Variants in CPNE4 observed in about 807,000 individuals in gnomAD.
The protein encoded by CPNE4 is copine 4.
Under a neutral mutation model 67.9 loss-of-function variants are expected in CPNE4, and 25 were observed. The ratio of observed to expected loss-of-function variants is 0.37; its 90% CI spans 0.27 to 0.51. The LOEUF is 0.51. CPNE4 is among the 20% of genes least tolerant of loss of function. The pLI is 0.93. For synonymous variants in CPNE4, 242 were observed against 244.9 expected (o/e 0.99, Z 0.11); for missense variants, 464 against 690.8 (o/e 0.67, Z 3.68).
chr3:131,724,790 A>T (rs1279933659), intron 2 of CPNE4, among the ~76,000 whole-genome samples: 1 of 152,090 alleles, frequency 6.6e-6, no homozygotes, highest in Non-Finnish European at 1.5e-5. Flanking sequence ...AACCCTGCCC[A>T]TTCCCGTGTA....
intron 1 of CPNE4, among the ~76,000 whole-genome samples, chr3:131,995,960 C>T (rs552342272): frequency 2.2e-4 from 34 of 152,316 alleles, no homozygotes; most frequent in African/African-American, 7.7e-4. Flanking sequence ...CTATCACTAT[C>T]ACATGCATCA....
intron 1 of CPNE4, among the ~76,000 whole-genome samples, chr3:131,914,510 G>C (rs754030581): frequency 1.7e-4 from 26 of 152,034 alleles, no homozygotes; most frequent in Non-Finnish European, 3.5e-4. Context: ...CTGCCCTCTG[G>C]GTTTCTTTCC....
intron 6 of CPNE4, among the ~76,000 whole-genome samples, chr3:131,685,213 T>C (rs546738749): frequency 2.0e-5 from 3 of 152,252 alleles, no homozygotes; most frequent in East Asian, 3.9e-4. Flanking sequence ...TGAGGAATTT[T>C]TGTGAGAAAT....
chr3:131,670,172 T>C (rs1000340304), intron 6 of CPNE4, among the ~76,000 whole-genome samples: 1 of 152,170 alleles, frequency 6.6e-6, no homozygotes, highest in Non-Finnish European at 1.5e-5. Context: ...TAAAGACTCT[T>C]AGTAGGGTGA....
At chr3:131,549,743 A>T (rs1003107414) in intron 14 of CPNE4, among the ~76,000 whole-genome samples, 15 of 152,134 alleles carry the variant, frequency 9.9e-5, no homozygotes, top group African/African-American at 3.6e-4. Flanking sequence ...GTCATCTCTT[A>T]GCCTCACAAC....
chr3:131,957,679 C>A (rs1016884224), intron 1 of CPNE4, among the ~76,000 whole-genome samples: 1 of 152,170 alleles, frequency 6.6e-6, no homozygotes, highest in Non-Finnish European at 1.5e-5. Flanking sequence ...TCGTTCAGAT[C>A]CTGCTAACTG....
intron 1 of CPNE4, among the ~76,000 whole-genome samples, chr3:131,979,960 G>A (rs796469188): frequency 1.2e-4 from 18 of 152,224 alleles, no homozygotes; most frequent in African/African-American, 4.3e-4. Context: ...ATGATGCTTA[G>A]TTTTGCTGGA....
chr3:131,942,451 TGTGTGTGTGTGTGAGAGA>T (rs1347716031), intron 1 of CPNE4, among the ~76,000 whole-genome samples: 15 of 62,372 alleles, frequency 2.4e-4, no homozygotes, highest in African/African-American at 1.0e-3. Context: ...TGTGTGTGTG[TGTGTGTGTGTGTGAGAGA>T]GAGAGAGAGA....
intron 2 of CPNE4, among the ~76,000 whole-genome samples, chr3:131,799,023 T>C (rs187231051): frequency 5.7e-4 from 86 of 152,114 alleles, no homozygotes; most frequent in African/African-American, 1.9e-3. Context: ...TTAAAGACAC[T>C]TTTTTTTCAA....
chr3:132,014,337 C>G (rs1326921199), intron 1 of CPNE4, among the ~76,000 whole-genome samples: 5 of 152,184 alleles, frequency 3.3e-5, no homozygotes, highest in Admixed American at 6.5e-5. Flanking sequence ...CTCCTCCCAC[C>G]CCCACTCCTC....
chr3:131,708,955 A>AAGAT (rs1583056650), intron 3 of CPNE4, among the ~76,000 whole-genome samples: 1 of 41,046 alleles, frequency 2.4e-5, no homozygotes, highest in Non-Finnish European at 5.1e-5. Context: ...TGAGGGCATA[A>AAGAT]AGATATATAT....
chr3:131,668,952 T>G (rs1157241427), intron 7 of CPNE4, among the ~76,000 whole-genome samples: 1 of 152,166 alleles, frequency 6.6e-6, no homozygotes, highest in Non-Finnish European at 1.5e-5. Context: ...TCCTTACCTT[T>G]TAAATCTGTA....
intron 2 of CPNE4, among the ~76,000 whole-genome samples, chr3:131,745,235 G>T (rs2082459649): frequency 6.6e-6 from 1 of 151,982 alleles, no homozygotes; most frequent in African/African-American, 2.4e-5. Context: ...TGTCCTCTTT[G>T]ATGAAACGTC....
At chr3:131,671,459 ATGTGTG>A (rs58195413) in intron 6 of CPNE4, among the ~76,000 whole-genome samples, 1,833 of 130,900 alleles carry the variant, frequency 0.014, 18 homozygotes, top group Non-Finnish European at 0.023. Context: ...GAGTGTACAC[ATGTGTG>A]TGTGTGTGTG....
At chr3:131,665,199 G>A (rs2080227451) in intron 7 of CPNE4, among the ~76,000 whole-genome samples, 1 of 151,300 alleles carries the variant, frequency 6.6e-6, no homozygotes, top group South Asian at 2.1e-4. Flanking sequence ...TGTCTCTACA[G>A]AAAAATTAAT....
intron 2 of CPNE4, among the ~76,000 whole-genome samples, chr3:131,726,603 C>T (rs1401640705): frequency 6.6e-6 from 1 of 151,836 alleles, no homozygotes; most frequent in Non-Finnish European, 1.5e-5. Context: ...CCAGGTTTCA[C>T]ATGAGCAACA....
intron 2 of CPNE4, among the ~76,000 whole-genome samples, chr3:131,833,071 C>T (rs574939005): frequency 2.0e-4 from 30 of 152,262 alleles, no homozygotes; most frequent in African/African-American, 6.3e-4. Context: ...TCTATAGCCA[C>T]GTGAGGACAT....
intron 2 of CPNE4, among the ~76,000 whole-genome samples, chr3:131,765,969 G>A (rs2083001091): frequency 6.6e-6 from 1 of 152,132 alleles, no homozygotes; most frequent in African/African-American, 2.4e-5. Flanking sequence ...AGGGTGACCA[G>A]GCAGAATATA....
At chr3:131,700,382 G>T (rs905249644) in intron 3 of CPNE4, among the ~76,000 whole-genome samples, 1 of 152,080 alleles carries the variant, frequency 6.6e-6, no homozygotes, top group African/African-American at 2.4e-5. Flanking sequence ...TGCAGGGAGG[G>T]AAAGGAACTA....
Sources: gnomAD v4.1 joint callset for allele counts (sites outside exome capture counted in the v4.1 genomes callset) on GRCh38, gnomAD v4.1.1 for gene constraint, MANE v1.5 for transcripts, NCBI Gene and HGNC (gene_info 2026-07-23, HGNC 2026-07-21) for gene names.